Variants in KLF3 observed in about 807,000 individuals in gnomAD.
KLF3 encodes the protein Krueppel-like factor 3.
Under a neutral mutation model 32.7 loss-of-function variants are expected in KLF3, and 6 were observed. That is an observed-to-expected ratio of 0.18 (90% CI 0.10 to 0.36). The LOEUF is 0.36. Among genes scored for constraint, KLF3 ranks in the 10% least tolerant of loss-of-function variants. The probability of loss-of-function intolerance (pLI) is 1.00; values close to 1 mark genes in which losing one functional copy is unlikely to be tolerated. For synonymous variants in KLF3, 145 were observed against 172.8 expected (o/e 0.84, Z 1.26); for missense variants, 338 against 449.7 (o/e 0.75, Z 2.25).
At position 38,682,352 on chromosome 4, in the gene KLF3, C is replaced by T. The variant is rs948723924; in HGVS notation, c.57+1670C>T. 2.0e-4 allele frequency among the ~76,000 whole-genome samples: 30 copies of T among 152,222 alleles called. 1 individual carries two copies. The highest frequency in any genetic ancestry group is 2.0e-3 in the Admixed American group (30 of 15,276). On this transcript the variant is annotated intron_variant, in intron 2 of 5. Coordinates refer to ENST00000261438, the MANE Select transcript of KLF3 (RefSeq NM_016531.6). The stretch of plus-strand genomic sequence containing the variant: ...GGGATTACAGGCATGAGCCACCGCT[C>T]CTGGCCAAAAAACTAAATTACTTCG...
intron 1 of KLF3, among the ~76,000 whole-genome samples, chr4:38,678,164 A>G (rs1000782462): frequency 1.3e-5 from 2 of 152,098 alleles, no homozygotes; most frequent in African/African-American, 4.8e-5. Flanking sequence ...GCTGGGGGTG[A>G]GGAGGTGGGA....
At chr4:38,696,899 T>C (rs1723059062) in intron 5 of KLF3, among the ~76,000 whole-genome samples, 183 bp from the exon 6 acceptor site, 1 of 152,224 alleles carries the variant, frequency 6.6e-6, no homozygotes, top group Admixed American at 6.5e-5. Flanking sequence ...AGAGAGCCAA[T>C]GAAACATTAC....
intron 1 of KLF3, among the ~76,000 whole-genome samples, chr4:38,667,177 T>A (rs1722070051): frequency 6.6e-6 from 1 of 152,196 alleles, no homozygotes; most frequent in South Asian, 2.1e-4. Flanking sequence ...CTTAAAAAAC[T>A]CCAGCTGCTC....
intron 2 of KLF3, 181 bp downstream of exon 2, chr4:38,680,863 C>T (rs1184316054): frequency 4.3e-6 from 2 of 466,228 alleles, no homozygotes; most frequent in South Asian, 4.2e-5. Flanking sequence ...CCAGCCTGAC[C>T]AACATGAAGA....
At position 38,670,615 on chromosome 4, in the gene KLF3, C is replaced by G. The variant is rs192751731; in HGVS notation, c.-40+6154C>G. On this transcript the variant is annotated intron_variant, in intron 1 of 5. Coordinates refer to ENST00000261438, the MANE Select transcript of KLF3 (RefSeq NM_016531.6). Reference sequence around the variant, plus strand: ...AAGCTTCACACTCCAAAGCCTCTTTCATTTGTAAGATCGAGTTCCTGTTCC... The same window carrying G: ...AAGCTTCACACTCCAAAGCCTCTTTGATTTGTAAGATCGAGTTCCTGTTCC... Among the ~76,000 whole-genome samples, 450 of 152,342 alleles carry G rather than the reference C, an allele frequency of 3.0e-3. 3 individuals carry two copies. The highest frequency in any genetic ancestry group is 5.0e-3 in the Non-Finnish European group (341 of 68,032).
At chr4:38,669,924 G>A (rs1424705410) in intron 1 of KLF3, among the ~76,000 whole-genome samples, 353 of 63,484 alleles carry the variant, frequency 5.6e-3, no homozygotes, top group South Asian at 0.015. Flanking sequence ...AAAAAAAAAA[G>A]ATGTCCTCTT....
intron 2 of KLF3, among the ~76,000 whole-genome samples, chr4:38,684,545 T>G (rs1207796438): frequency 1.8e-4 from 18 of 101,606 alleles, no homozygotes; most frequent in African/African-American, 7.0e-4. Flanking sequence ...TTTTGTGTTT[T>G]TTTTTTTTTT....
At chr4:38,680,705 C>T (rs894168109) in intron 2 of KLF3, 23 bp downstream of exon 2, 2 of 1,576,558 alleles carry the variant, frequency 1.3e-6, no homozygotes, top group Non-Finnish European at 1.7e-6. Flanking sequence ...AGATTGAACA[C>T]CTCGCCTTAT....
chr4:38,664,525 G>A (rs1721934971), intron 1 of KLF3, 64 bp downstream of exon 1: 1 of 151,144 alleles, frequency 6.6e-6, no homozygotes, highest in South Asian at 2.1e-4. Flanking sequence ...TCCTCGGCCA[G>A]TCTGGTTTCA....
chr4:38,668,372 G>A (rs1722103152), intron 1 of KLF3, among the ~76,000 whole-genome samples: 2 of 151,582 alleles, frequency 1.3e-5, no homozygotes, highest in Non-Finnish European at 2.9e-5. Context: ...CAGCATCTCT[G>A]TGGAATTAAT....
rs1467204453 is a variant in KLF3, at chr4:38,671,522, C to T, written c.-40+7061C>T. ...AGACTGTCCCCACGTTCTGTCTTCTCCGGGGACCAACCTGTTCACAGAAAT... is the reference window on the plus strand; with the variant it reads ...AGACTGTCCCCACGTTCTGTCTTCTTCGGGGACCAACCTGTTCACAGAAAT... On this transcript the variant is annotated intron_variant, in intron 1 of 5. Coordinates refer to ENST00000261438, the MANE Select transcript of KLF3 (RefSeq NM_016531.6). This position sits in a 1 kb window ranked among gnomAD's most constrained non-coding sequence, Gnocchi z 4.4. Among the ~76,000 whole-genome samples the T allele has an allele frequency of 6.6e-6, 1 of 152,160 alleles. No homozygotes were observed. Among genetic ancestry groups the T allele is most frequent in the East Asian group, 1.9e-4 (1 of 5,196 alleles).
chr4:38,690,564 CACTT>C (rs1367404725), intron 4 of KLF3: 1 of 152,216 alleles, frequency 6.6e-6, no homozygotes, highest in Non-Finnish European at 1.5e-5. Flanking sequence ...TTGGACTAGT[CACTT>C]AATCTTGCTG....
rs1722764571 is a variant in KLF3 at position 38,688,382 on chromosome 4, T to C, written c.58-203T>C. Among the ~76,000 whole-genome samples the C allele has an allele frequency of 6.6e-6, 1 of 152,226 alleles. No homozygotes were observed. Among genetic ancestry groups the C allele is most frequent in the African/African-American group, 2.4e-5 (1 of 41,450 alleles). On this transcript the variant is annotated intron_variant, in intron 2 of 5. Coordinates refer to ENST00000261438, the MANE Select transcript of KLF3 (RefSeq NM_016531.6). The surrounding 1 kb of genome is among the most constrained non-coding windows in gnomAD (Gnocchi z 4.9). ...CACATTGATCTTAGTTTTAATATTTTTGAGACCGCCTCTCATAGCATTTTT... is the reference window on the plus strand; with the variant it reads ...CACATTGATCTTAGTTTTAATATTTCTGAGACCGCCTCTCATAGCATTTTT...
rs1722389854 is a variant in KLF3, at chr4:38,677,550, A to G, written c.-39-3037A>G. 2.0e-5 allele frequency among the ~76,000 whole-genome samples: 3 copies of G among 152,326 alleles called. No individual in the cohort carries two copies. The South Asian group carries it at 6.2e-4, about 32-fold the overall frequency. On this transcript the variant is annotated intron_variant, in intron 1 of 5. Transcript: ENST00000261438. Reference sequence around the variant, plus strand: ...TCTTAATTTATTCTGCTGTGCTGCAATTAGTGGTCGTAAAGCGTGCAGGAT... The same window carrying G: ...TCTTAATTTATTCTGCTGTGCTGCAGTTAGTGGTCGTAAAGCGTGCAGGAT...
chr4:38,697,320 C>G lies in KLF3; in HGVS notation c.*57C>G. ...CCACTCACCTGGCTCTCTCTCTGTC[C>G]TGCCTCCCATTATCTAACACATTTT... On this transcript the variant is annotated 3_prime_UTR_variant, in exon 6 of 6. Transcript: ENST00000261438. The G allele has an allele frequency of 7.0e-7, 1 of 1,432,058 alleles. No homozygotes were observed. Among genetic ancestry groups the G allele is most frequent in the Non-Finnish European group, 9.5e-7 (1 of 1,052,376 alleles). 88.7% of individuals were successfully genotyped at this position (1,432,058 alleles called of 1,614,324 possible).
chr4:38,676,849 C>A (rs1224432709), intron 1 of KLF3, among the ~76,000 whole-genome samples: 2 of 151,908 alleles, frequency 1.3e-5, no homozygotes, highest in Non-Finnish European at 2.9e-5. Flanking sequence ...ATGAGAACAT[C>A]CCTTCATCAA....
At position 38,671,363 on chromosome 4, in the gene KLF3, T is replaced by A. The variant is rs1326582717; in HGVS notation, c.-40+6902T>A. On this transcript the variant is annotated intron_variant, in intron 1 of 5. Transcript: ENST00000261438. This position sits in a 1 kb window ranked among gnomAD's most constrained non-coding sequence, Gnocchi z 4.4. ...AGTTATATCGACAATGCAGGTGCAC[T>A]GGCTAGGAAGAATAATTGCCTAATT... Among the ~76,000 whole-genome samples, 1 of 152,224 alleles carries A rather than the reference T, an allele frequency of 6.6e-6. No individual in the cohort carries two copies. Among genetic ancestry groups the A allele is most frequent in the Non-Finnish European group, 1.5e-5 (1 of 68,040 alleles).
At chr4:38,683,783 G>T (rs1722606140) in intron 2 of KLF3, among the ~76,000 whole-genome samples, 1 of 152,130 alleles carries the variant, frequency 6.6e-6, no homozygotes, top group Non-Finnish European at 1.5e-5. Flanking sequence ...TTTGAAGAAA[G>T]GATTAATAAT....
At chr4:38,682,357 C>A (rs2109246755) in intron 2 of KLF3, among the ~76,000 whole-genome samples, 1 of 152,292 alleles carries the variant, frequency 6.6e-6, no homozygotes, top group Non-Finnish European at 1.5e-5. Context: ...CCGCTCCTGG[C>A]CAAAAAACTA....
Sources: gnomAD v4.1 joint callset for allele counts (sites outside exome capture counted in the v4.1 genomes callset) on GRCh38, gnomAD v4.1.1 for gene constraint, Gnocchi (gnomAD v3.1) non-coding constraint, MANE v1.5 for transcripts, NCBI Gene and HGNC (gene_info 2026-07-23, HGNC 2026-07-21) for gene names.